UNC5D: variants seen among roughly 807,000 people sequenced by gnomAD.
UNC5D encodes the protein netrin receptor UNC5D.
Under a neutral mutation model 105.4 loss-of-function variants are expected in UNC5D, and 39 were observed. That is an observed-to-expected ratio of 0.37 (90% CI 0.29 to 0.48). The LOEUF (loss-of-function observed/expected upper bound fraction) is 0.48. UNC5D is among the 20% of genes least tolerant of loss of function. The pLI is 0.98. For synonymous variants in UNC5D, 452 were observed against 450.4 expected (o/e 1.00, Z -0.04); for missense variants, 991 against 1,202.4 (o/e 0.82, Z 2.60).
chr8:35,656,336 C>A (rs186379343), intron 4 of UNC5D, among the ~76,000 whole-genome samples: 5 of 152,182 alleles, frequency 3.3e-5, no homozygotes. Flanking sequence ...TGCCTCCAAC[C>A]TTTTTCCATC....
At chr8:35,345,024 G>A (rs1811706261) in intron 1 of UNC5D, among the ~76,000 whole-genome samples, 1 of 151,950 alleles carries the variant, frequency 6.6e-6, no homozygotes, top group Non-Finnish European at 1.5e-5. Context: ...TGTAGTAAAT[G>A]CCAAAAGGAT....
At chr8:35,625,765 T>C (rs1192247213) in intron 4 of UNC5D, among the ~76,000 whole-genome samples, 1 of 152,238 alleles carries the variant, frequency 6.6e-6, no homozygotes, top group Non-Finnish European at 1.5e-5. Context: ...TGCTTTACTT[T>C]TAAGGAACAT....
At chr8:35,565,822 G>T (rs1285440722) in intron 2 of UNC5D, among the ~76,000 whole-genome samples, 1 of 152,066 alleles carries the variant, frequency 6.6e-6, no homozygotes, top group African/African-American at 2.4e-5. Context: ...TTGAATTAGG[G>T]TGTCCTTTCC....
intron 1 of UNC5D, among the ~76,000 whole-genome samples, chr8:35,476,294 A>G (rs962594044): frequency 6.6e-6 from 1 of 152,172 alleles, no homozygotes; most frequent in South Asian, 2.1e-4. Context: ...TACCACTCCC[A>G]ACACCCGAGT....
intron 3 of UNC5D, among the ~76,000 whole-genome samples, chr8:35,584,440 A>C (rs1818654685): frequency 6.6e-6 from 1 of 151,994 alleles, no homozygotes; most frequent in Admixed American, 6.6e-5. Context: ...ATAGAGACAG[A>C]ATCTCACTCC....
chr8:35,563,786 CT>C (rs1246769639), intron 2 of UNC5D, among the ~76,000 whole-genome samples: 2 of 151,848 alleles, frequency 1.3e-5, no homozygotes, highest in East Asian at 3.9e-4. Context: ...GAGGTATGTT[CT>C]TTCTATGTAT....
In UNC5D at chr8:35,726,204, G is replaced by C; in HGVS notation, c.1356G>C (p.Arg452=). Residue 452 remains arginine (R), a synonymous_variant, in exon 10 of 17, where the codon CGG becomes CGC. Transcript: ENST00000404895. ...SAMQPDLTVS[R]TYSGPICLQD... is the part of the protein sequence containing the mutation. ...TGCAGCCAGATCTGACAGTGAGCCGGACATACAGCGGACCCATCTGTCTGC... is the reference window on the plus strand; with the variant it reads ...TGCAGCCAGATCTGACAGTGAGCCGCACATACAGCGGACCCATCTGTCTGC... 1 of 1,614,054 alleles carries C rather than the reference G, an allele frequency of 6.2e-7. No individual in the cohort carries two copies. The highest frequency in any genetic ancestry group is 8.5e-7 in the Non-Finnish European group (1 of 1,179,962).
At chr8:35,533,997 C>G (rs1814636162) in intron 1 of UNC5D, among the ~76,000 whole-genome samples, 1 of 150,838 alleles carries the variant, frequency 6.6e-6, no homozygotes, top group East Asian at 2.0e-4. Flanking sequence ...ATGTAGAAAT[C>G]ACCCGTCTTC....
At chr8:35,489,013 T>C (rs1301660897) in intron 1 of UNC5D, among the ~76,000 whole-genome samples, 3 of 151,902 alleles carry the variant, frequency 2.0e-5, no homozygotes, top group Non-Finnish European at 2.9e-5. Context: ...CCCCCAATTT[T>C]TTTTTTTTTT....
intron 7 of UNC5D, among the ~76,000 whole-genome samples, chr8:35,704,841 C>G (rs911593280): frequency 1.3e-5 from 2 of 151,844 alleles, no homozygotes; most frequent in Admixed American, 6.6e-5. Context: ...TCAAAGTGAC[C>G]TGTAAGATTA....
chr8:35,505,796 A>G (rs181527087), intron 1 of UNC5D, among the ~76,000 whole-genome samples: 3 of 152,268 alleles, frequency 2.0e-5, no homozygotes, highest in East Asian at 3.9e-4. Flanking sequence ...CAGGAAAGTG[A>G]TTTTGCACAG....
intron 15 of UNC5D, among the ~76,000 whole-genome samples, chr8:35,771,342 T>A (rs560491741): frequency 2.0e-5 from 3 of 152,282 alleles, no homozygotes; most frequent in South Asian, 2.1e-4. Flanking sequence ...GCATGGACAC[T>A]TCCAATGTTT....
At chr8:35,614,275 G>T (rs180958161) in intron 4 of UNC5D, among the ~76,000 whole-genome samples, 23 of 152,268 alleles carry the variant, frequency 1.5e-4, no homozygotes, top group Admixed American at 1.4e-3. Context: ...TTTAATACAG[G>T]AATCACTAGA....
At chr8:35,414,280 C>G (rs765750299) in intron 1 of UNC5D, among the ~76,000 whole-genome samples, 3 of 152,090 alleles carry the variant, frequency 2.0e-5, no homozygotes, top group Non-Finnish European at 4.4e-5. Flanking sequence ...CTCTTGAATA[C>G]TTATGCTGTA....
Position 35,795,699 on chromosome 8 carries a change from A to G in UNC5D, c.*5136A>G, listed in dbSNP as rs1182378575. On this transcript the variant is annotated 3_prime_UTR_variant, in exon 17 of 17. Coordinates refer to ENST00000404895, the MANE Select transcript of UNC5D (RefSeq NM_080872.4). Reference sequence around the variant, plus strand: ...CAATCAGAAACACTCTCCAAGGCTTATGGCTAGATTATGTAGGTCACTACC... The same window carrying G: ...CAATCAGAAACACTCTCCAAGGCTTGTGGCTAGATTATGTAGGTCACTACC... The G allele has an allele frequency of 1.3e-5, 2 of 152,336 alleles. No homozygotes were observed. The highest frequency in any genetic ancestry group is 2.9e-5 in the Non-Finnish European group (2 of 68,038). 9.4% of individuals were successfully genotyped at this position (152,336 alleles called of 1,614,324 possible). A position where few individuals can be genotyped will look rare whatever the true frequency, so the allele number is the denominator to read the frequency against.
intron 1 of UNC5D, among the ~76,000 whole-genome samples, chr8:35,477,200 G>A (rs1005253335): frequency 2.6e-5 from 4 of 152,160 alleles, no homozygotes; most frequent in Admixed American, 2.0e-4. Flanking sequence ...TTCCATGGCC[G>A]AATTTTAACG....
At chr8:35,336,314 C>T (rs1202270256) in intron 1 of UNC5D, among the ~76,000 whole-genome samples, 2 of 152,138 alleles carry the variant, frequency 1.3e-5, no homozygotes, top group Non-Finnish European at 2.9e-5. Context: ...ACCACTAAGA[C>T]AATTGGCCTC....
At chr8:35,425,313 C>T (rs1806169251) in intron 1 of UNC5D, among the ~76,000 whole-genome samples, 1 of 152,134 alleles carries the variant, frequency 6.6e-6, no homozygotes, top group Non-Finnish European at 1.5e-5. Flanking sequence ...GGCGTAGAAA[C>T]CAAGTCAGTA....
intron 1 of UNC5D, among the ~76,000 whole-genome samples, chr8:35,367,280 C>A (rs1376510274): frequency 6.6e-6 from 1 of 152,136 alleles, no homozygotes; most frequent in African/African-American, 2.4e-5. Context: ...AAATTTTTAC[C>A]TTCTCTTCCC....
Sources: allele counts gnomAD v4.1 joint callset (sites outside exome capture counted in the v4.1 genomes callset), GRCh38; gene constraint gnomAD v4.1.1; transcripts MANE v1.5; gene names NCBI Gene and HGNC (gene_info 2026-07-23, HGNC 2026-07-21).